Variants in CUBN observed in about 807,000 individuals in gnomAD.
The protein encoded by CUBN is cubilin, also known as 460 kDa receptor.
A neutral mutation model predicts 405.3 loss-of-function variants in CUBN; 282 were observed. That is an observed-to-expected ratio of 0.70 (90% CI 0.63 to 0.77). The LOEUF (loss-of-function observed/expected upper bound fraction) is 0.77, where lower values mean the gene tolerates loss of function less well. Among genes scored for constraint, CUBN ranks in the 30% least tolerant of loss-of-function variants. The pLI, the probability that CUBN is intolerant of heterozygous loss-of-function variation, is 0.00. For missense variants in CUBN, 4,514 were observed against 4,475.2 expected (o/e 1.01, Z -0.25); for synonymous variants, 1,684 against 1,617.0 (o/e 1.04, Z -0.99).
At chr10:17,075,612 T>C (rs1835841448) in intron 17 of CUBN, among the ~76,000 whole-genome samples, 1 of 152,136 alleles carries the variant, frequency 6.6e-6, no homozygotes, top group African/African-American at 2.4e-5. Flanking sequence ...TTGAAACCAT[T>C]CTAAAGGCCT....
rs191068829 is a variant in CUBN, at chr10:16,950,832, C to T, written c.4970-721G>A. The stretch of plus-strand genomic sequence containing the variant: ...TTTATATCACCATTGCTGTGTTCCT[C>T]GCAGAAGCATTTTTCTCAATAGACT... On this transcript the variant is annotated intron_variant, in intron 33 of 66. Coordinates refer to ENST00000377833, the MANE Select transcript of CUBN (RefSeq NM_001081.4). 2.7e-4 allele frequency among the ~76,000 whole-genome samples: 41 copies of T among 152,246 alleles called. No individual in the cohort carries two copies. In the East Asian group the frequency reaches 7.3e-3, roughly 27 times the overall value.
intron 60 of CUBN, among the ~76,000 whole-genome samples, chr10:16,844,376 A>T (rs943269581): frequency 6.6e-6 from 1 of 152,140 alleles, no homozygotes; most frequent in African/African-American, 2.4e-5. Flanking sequence ...GGCACGTGTC[A>T]ACAACTTCTG....
intron 65 of CUBN, among the ~76,000 whole-genome samples, chr10:16,829,914 C>T (rs1460992978): frequency 2.0e-5 from 3 of 148,180 alleles, no homozygotes; most frequent in Non-Finnish European, 3.0e-5. Context: ...CTCCACCTCC[C>T]GGGTTCATGG....
rs113922735 is a variant in CUBN at position 16,900,008 on chromosome 10, T to C, written c.8410+617A>G. On this transcript the variant is annotated intron_variant, in intron 53 of 66. Transcript: ENST00000377833. ...ATTTTCACAATGTTTATACTTTCTATGCACAAAAACTATTCTTTTAAAATG... is the reference window on the plus strand; with the variant it reads ...ATTTTCACAATGTTTATACTTTCTACGCACAAAAACTATTCTTTTAAAATG... Among the ~76,000 whole-genome samples the C allele has an allele frequency of 8.1e-3, 1,231 of 152,348 alleles. 20 individuals carry two copies. Among genetic ancestry groups the C allele is most frequent in the African/African-American group, 0.028 (1,144 of 41,580 alleles).
At chr10:16,899,456 C>T (rs1291385681) in intron 53 of CUBN, among the ~76,000 whole-genome samples, 2 of 152,200 alleles carry the variant, frequency 1.3e-5, no homozygotes, top group Non-Finnish European at 2.9e-5. Context: ...AGATTTCCAT[C>T]CTGTCTCCAA....
At chr10:17,109,595 G>T (rs1041367352) in intron 10 of CUBN, 45 bp downstream of exon 10, 1 of 1,440,542 alleles carries the variant, frequency 6.9e-7, no homozygotes, top group Non-Finnish European at 9.8e-7. Context: ...GGTTTAGAAG[G>T]TCATATTACA....
intron 41 of CUBN, 116 bp downstream of exon 41, chr10:16,928,041 C>T (rs528535088): frequency 1.7e-4 from 200 of 1,161,648 alleles, no homozygotes; most frequent in Admixed American, 1.4e-3. Context: ...AGACCCATGT[C>T]CTCTGACTTG....
At chr10:17,061,497 T>C (rs960938884) in intron 22 of CUBN, among the ~76,000 whole-genome samples, 45 of 152,206 alleles carry the variant, frequency 3.0e-4, no homozygotes, top group Admixed American at 2.9e-3. Context: ...AACAGAACTC[T>C]CTTTACCCGT....
chr10:17,047,699 C>A, intron 22 of CUBN, 96 bp from the exon 23 acceptor site: 1 of 1,191,302 alleles, frequency 8.4e-7, no homozygotes, highest in Non-Finnish European at 1.2e-6. Flanking sequence ...TGTGCCTATA[C>A]TTGATTTTCA....
intron 45 of CUBN, among the ~76,000 whole-genome samples, 199 bp downstream of exon 45, chr10:16,918,423 G>C (rs1841946819): frequency 6.6e-6 from 1 of 152,022 alleles, no homozygotes; most frequent in Non-Finnish European, 1.5e-5. Context: ...CTATCCATGA[G>C]CACGGAATTT....
At chr10:16,915,772 G>T in intron 46 of CUBN, 49 bp downstream of exon 46, 1 of 1,474,770 alleles carries the variant, frequency 6.8e-7, no homozygotes, top group Non-Finnish European at 9.5e-7. Context: ...GGCTGAATAA[G>T]TACATGTGAA....
intron 28 of CUBN, among the ~76,000 whole-genome samples, chr10:16,990,893 G>T (rs181972168): frequency 2.6e-5 from 4 of 152,250 alleles, no homozygotes; most frequent in African/African-American, 9.6e-5. Flanking sequence ...AGCCGTGGTC[G>T]TGAACTTCAG....
intron 31 of CUBN, among the ~76,000 whole-genome samples, chr10:16,981,253 G>A (rs1388455790): frequency 2.6e-5 from 4 of 151,650 alleles, no homozygotes; most frequent in African/African-American, 7.2e-5. Flanking sequence ...GCTGGACATC[G>A]GAGACTATGG....
At chr10:17,008,866 C>T (rs1834102397) in intron 28 of CUBN, among the ~76,000 whole-genome samples, 1 of 152,080 alleles carries the variant, frequency 6.6e-6, no homozygotes, top group Non-Finnish European at 1.5e-5. Context: ...ACTCTGTGTC[C>T]CCCGTCTCAG....
chr10:17,095,170 A>G (rs1836345470), intron 14 of CUBN, among the ~76,000 whole-genome samples: 1 of 152,092 alleles, frequency 6.6e-6, no homozygotes, highest in Admixed American at 6.6e-5. Context: ...ATAGTCTATA[A>G]TAAATGGTGC....
intron 54 of CUBN, among the ~76,000 whole-genome samples, chr10:16,894,572 C>A (rs1841124935): frequency 6.6e-6 from 1 of 152,140 alleles, no homozygotes; most frequent in African/African-American, 2.4e-5. Flanking sequence ...TCAACCAATA[C>A]CACATTGTCT....
chr10:17,047,595 G>T lies in CUBN; in HGVS notation c.3148C>A (p.Gln1050Lys), dbSNP rs1277806187. The T allele has an allele frequency of 6.2e-7, 1 of 1,613,782 alleles. No homozygotes were observed. The highest frequency in any genetic ancestry group is 1.1e-5 in the South Asian group (1 of 91,072). The change falls in exon 23 of 67, where the codon CAA becomes AAA. Residue 1050 changes from glutamine to lysine, a missense_variant. Gln to Lys is a moderately conservative substitution (Grantham distance 53). Around this residue, in one of 5 missense-constraint regions of CUBN, gnomAD observed 1,448 missense variants for 1,388.0 expected, o/e 1.04. Transcript: ENST00000377833. ...EAISAATACL[Q>K]DYTDDLGTFT... The stretch of plus-strand genomic sequence containing the variant: ...GTCCCCAAATCATCTGTGTAGTCTT[G>T]CAAACATGCTGTGAACAGAAACAGA...
chr10:16,956,509 C>T (rs1843068949), intron 31 of CUBN, among the ~76,000 whole-genome samples: 1 of 151,940 alleles, frequency 6.6e-6, no homozygotes, highest in East Asian at 1.9e-4. Context: ...TTTAAACCAT[C>T]ACTACAAAAC....
In CUBN at chr10:16,933,190, C is replaced by T. The variant is rs144381598; in HGVS notation, c.6021G>A (p.Thr2007=). The change falls in exon 40 of 67, where the codon ACG becomes ACA. Residue 2007 remains threonine (T), a synonymous_variant. Coordinates refer to ENST00000377833, the MANE Select transcript of CUBN (RefSeq NM_001081.4). ...PDSYSNRVDC[T]WLIQAPDSTV... Reference sequence around the variant, plus strand: ...TAGAGTCGGGAGCCTGGATGAGCCACGTACAGTCCACTCTATTACTGTAAC... The same window carrying T: ...TAGAGTCGGGAGCCTGGATGAGCCATGTACAGTCCACTCTATTACTGTAAC... 76 of 1,613,926 alleles carry T rather than the reference C, an allele frequency of 4.7e-5. No homozygotes were observed. Among genetic ancestry groups the T allele is most frequent in the Admixed American group, 1.3e-4 (8 of 59,988 alleles).
Sources: gnomAD v4.1 joint callset for allele counts (sites outside exome capture counted in the v4.1 genomes callset) on GRCh38, gnomAD v4.1.1 for gene constraint, gnomAD v4.1.1 regional missense constraint, MANE v1.5 for transcripts, NCBI Gene and HGNC (gene_info 2026-07-23, HGNC 2026-07-21) for gene names.